The following SHLD2 variants were observed in gnomAD, a reference collection of about 807,000 sequenced individuals.
The protein encoded by SHLD2 is shieldin complex subunit 2.
Under a neutral mutation model 73.2 loss-of-function variants are expected in SHLD2, and 30 were observed. That is an observed-to-expected ratio of 0.41 (90% CI 0.31 to 0.56). SHLD2 has a LOEUF of 0.56. SHLD2 is among the 20% of genes least tolerant of loss of function. SHLD2 has a pLI of 0.28. For synonymous variants in SHLD2, 285 were observed against 370.1 expected, an observed-to-expected ratio of 0.77 and a Z score of 2.64; for missense variants, 745 against 1,055.9, an observed-to-expected ratio of 0.71 and a Z score of 4.08.
intron 7 of SHLD2, among the ~76,000 whole-genome samples, chr10:87,176,310 A>G (rs1847949933): frequency 6.6e-6 from 1 of 152,002 alleles, no homozygotes; most frequent in Non-Finnish European, 1.5e-5. Flanking sequence ...ACACCCAGCT[A>G]TTTATTTATT....
Position 87,176,246 on chromosome 10 carries a change from C to T in SHLD2, c.2170+151C>T, listed in dbSNP as rs1349020410. 6.6e-5 allele frequency among the ~76,000 whole-genome samples: 10 copies of T among 152,354 alleles called. 1 individual carries two copies. In the South Asian group the frequency reaches 1.7e-3, roughly 25 times the overall value. On this transcript the variant is annotated intron_variant, in intron 7 of 9. Coordinates refer to ENST00000298786, the MANE Select transcript of SHLD2 (RefSeq NM_001330112.2). The stretch of plus-strand genomic sequence containing the variant: ...AAGTGATTCTCCCCGTTCAGCCTTT[C>T]GCGTAGCTCAGGAGGGAAGGGAAGG...
intron 2 of SHLD2, among the ~76,000 whole-genome samples, chr10:87,142,742 G>GT (rs1356952555): frequency 6.6e-6 from 1 of 150,924 alleles, no homozygotes; most frequent in Non-Finnish European, 1.5e-5. Context: ...ATGTCAAGGC[G>GT]TAAGTAGCAA....
At chr10:87,123,445 G>C (rs573319217) in intron 2 of SHLD2, among the ~76,000 whole-genome samples, 84 of 151,978 alleles carry the variant, frequency 5.5e-4, no homozygotes, top group African/African-American at 1.8e-3. Context: ...GGAACTACAG[G>C]TGTGCATGCC....
rs1402144444 is a variant in SHLD2, at chr10:87,170,570, C to T, written c.1726C>T (p.Pro576Ser). Residue 576 changes from proline to serine, a missense_variant, in exon 5 of 10, where the codon CCT becomes TCT. Transcript: ENST00000298786. ...CCTCAGAGATCTTCCTCCGAGGCAG[C>T]CTCAGAGGGTGAACAGTATAGACTT... ...SYLRDLPPRQ[P>S]QRVNSIDFVE... 1 of 1,613,646 alleles carries T rather than the reference C, an allele frequency of 6.2e-7. No homozygotes were observed. Among genetic ancestry groups the T allele is most frequent in the East Asian group, 2.2e-5 (1 of 44,866 alleles).
chr10:87,170,357 A>G, intron 4 of SHLD2, 121 bp from the exon 5 acceptor site: 4 of 694,040 alleles, frequency 5.8e-6, no homozygotes, highest in Non-Finnish European at 9.1e-6. Context: ...AGAGAAAGCA[A>G]AACTATATTT....
intron 3 of SHLD2, chr10:87,154,498 A>G (rs1846250774): frequency 2.0e-5 from 3 of 151,360 alleles, no homozygotes; most frequent in Admixed American, 6.6e-5. Context: ...CTCCTGCCTC[A>G]GCCTCTCGAG....
At chr10:87,094,635 C>T (rs1050157), upstream of SHLD2, 2 of 1,607,292 alleles carry the variant, frequency 1.2e-6, no homozygotes, top group South Asian at 2.2e-5. The surrounding 1 kb of genome is among the most constrained non-coding windows in gnomAD (Gnocchi z 6.6). Context: ...CGGCCAATGC[C>T]AGCCCCGGCT....
rs1355240635 is a variant in SHLD2 at position 87,151,868 on chromosome 10, C to T, written c.514C>T (p.His172Tyr). The change falls in exon 3 of 10, where the codon CAT (histidine) becomes TAT (tyrosine). Residue 172 changes from histidine (H) to tyrosine (Y), a missense_variant. Around this residue, in one of 5 missense-constraint regions of SHLD2, gnomAD observed 280 missense variants for 353.9 expected, o/e 0.79. Coordinates refer to ENST00000298786, the MANE Select transcript of SHLD2 (RefSeq NM_001330112.2). ...TAACACAAATTTGTTTCAGTTGGGC[C>T]ATAAATGTGCAGCTGTGTTGGATTT... Reference protein sequence around the residue: ...NFNTNLFQLGHKCAAVLDLVC... With the variant: ...NFNTNLFQLGYKCAAVLDLVC... The T allele has an allele frequency of 6.2e-7, 1 of 1,611,436 alleles. No individual in the cohort carries two copies. Among genetic ancestry groups the T allele is most frequent in the South Asian group, 1.1e-5 (1 of 90,956 alleles).
chr10:87,178,339 A>G (rs1387477429), intron 7 of SHLD2, among the ~76,000 whole-genome samples: 5 of 151,592 alleles, frequency 3.3e-5, no homozygotes, highest in African/African-American at 1.2e-4. Flanking sequence ...AGGAGACTCT[A>G]CTTGGGTGAT....
rs368689959 is a variant in SHLD2 at position 87,109,794 on chromosome 10, T to C, written c.-6+12805T>C. On this transcript the variant is annotated intron_variant, in intron 2 of 9. Transcript: ENST00000298786. ...GGAGTCTACATGACAAATTCTGCCA[T>C]GAAAGTTTTCTTGATTTGGTTGGTG... Among the ~76,000 whole-genome samples the C allele has an allele frequency of 3.3e-5, 5 of 152,368 alleles. No homozygotes were observed. In the East Asian group the frequency reaches 9.6e-4, roughly 29 times the overall value.
chr10:87,107,076 A>C (rs1036621189), intron 2 of SHLD2, among the ~76,000 whole-genome samples: 2 of 145,974 alleles, frequency 1.4e-5, no homozygotes, highest in African/African-American at 2.6e-5. Flanking sequence ...ATAGATATTA[A>C]TCTAAAGCAA....
rs1166138905 is a variant in SHLD2 at position 87,190,990 on chromosome 10, A to G, written c.*307A>G. On this transcript the variant is annotated 3_prime_UTR_variant, in exon 10 of 10. Coordinates refer to ENST00000298786, the MANE Select transcript of SHLD2 (RefSeq NM_001330112.2). Reference sequence around the variant, plus strand: ...GTTCACTGTATTTAGTCCCTGCTACATTCCAGGCATTGTACTAAGTATGGG... The same window carrying G: ...GTTCACTGTATTTAGTCCCTGCTACGTTCCAGGCATTGTACTAAGTATGGG... 9 of 385,162 alleles carry G rather than the reference A, an allele frequency of 2.3e-5. No individual in the cohort carries two copies. The highest frequency in any genetic ancestry group is 3.8e-5 in the Non-Finnish European group (8 of 208,714). 23.9% of individuals were successfully genotyped at this position (385,162 alleles called of 1,614,324 possible). A position where few individuals can be genotyped will look rare whatever the true frequency, so the allele number is the denominator to read the frequency against.
At position 87,152,091 on chromosome 10, in the gene SHLD2, T is replaced by C; in HGVS notation, c.737T>C (p.Ile246Thr). ...ACTGATACAGAATTTCTCAGTATAA[T>C]TACCTCCAGCCAGGTTGCTTTTTTA... ...ISTDTEFLSI[I>T]TSSQVAFLAQ... The change falls in exon 3 of 10, where the codon ATT (isoleucine) becomes ACT (threonine). Residue 246 changes from isoleucine (I) to threonine (T), a missense_variant. Transcript: ENST00000298786. 6.2e-7 allele frequency: 1 copy of C among 1,611,942 alleles called. No homozygotes were observed. The highest frequency in any genetic ancestry group is 1.1e-5 in the South Asian group (1 of 90,976).
At chr10:87,116,610 G>A (rs1843273674) in intron 2 of SHLD2, among the ~76,000 whole-genome samples, 1 of 147,098 alleles carries the variant, frequency 6.8e-6, no homozygotes, top group African/African-American at 2.5e-5. Context: ...GAGATAGTGG[G>A]GAGGAAATGA....
intron 1 of SHLD2, 144 bp downstream of exon 1, chr10:87,095,392 G>C (rs1245463434): frequency 6.6e-6 from 1 of 152,248 alleles, no homozygotes; most frequent in Non-Finnish European, 1.5e-5. Context: ...TCGGGGACCG[G>C]GTCATGTGAG....
intron 2 of SHLD2, among the ~76,000 whole-genome samples, chr10:87,111,291 T>C (rs1842904627): frequency 1.3e-5 from 2 of 152,068 alleles, no homozygotes; most frequent in Non-Finnish European, 2.9e-5. Context: ...GCCTTCTGAG[T>C]AGCTGGGACT....
At chr10:87,189,678 C>G (rs552236769) in intron 9 of SHLD2, among the ~76,000 whole-genome samples, 1 of 152,318 alleles carries the variant, frequency 6.6e-6, no homozygotes, top group East Asian at 1.9e-4. Flanking sequence ...GGTGCTCTGT[C>G]ATTCTGGTAT....
At chr10:87,172,142 G>C (rs1264178347) in intron 6 of SHLD2, among the ~76,000 whole-genome samples, 1 of 152,146 alleles carries the variant, frequency 6.6e-6, no homozygotes, top group African/African-American at 2.4e-5. Context: ...GTTGTTCTTT[G>C]TACATTCATT....
chr10:87,142,218 G>A (rs569116699), intron 2 of SHLD2, among the ~76,000 whole-genome samples: 1 of 152,226 alleles, frequency 6.6e-6, no homozygotes, highest in South Asian at 2.1e-4. Context: ...ACTTTCTTAT[G>A]GGAATTCTTT....
Sources: gnomAD v4.1 joint callset for allele counts (sites outside exome capture counted in the v4.1 genomes callset) on GRCh38, gnomAD v4.1.1 for gene constraint, gnomAD v4.1.1 regional missense constraint, Gnocchi (gnomAD v3.1) non-coding constraint, MANE v1.5 for transcripts, NCBI Gene and HGNC (gene_info 2026-07-23, HGNC 2026-07-21) for gene names.